The following OXSR1 variants were observed in gnomAD, a reference collection of about 807,000 sequenced individuals.
The protein encoded by OXSR1 is oxidative stress responsive kinase 1, also known as serine/threonine-protein kinase OSR1.
A neutral mutation model predicts 79.8 loss-of-function variants in OXSR1; 24 were observed. The ratio of observed to expected loss-of-function variants is 0.30; its 90% CI spans 0.22 to 0.42. The LOEUF (loss-of-function observed/expected upper bound fraction) is 0.42. OXSR1 is among the 10% of genes least tolerant of loss of function. The probability of loss-of-function intolerance (pLI) is 1.00; values close to 1 mark genes in which losing one functional copy is unlikely to be tolerated. For synonymous variants in OXSR1, 226 were observed against 209.2 expected, an observed-to-expected ratio of 1.08 and a Z score of -0.69; for missense variants, 430 against 618.4, an observed-to-expected ratio of 0.70 and a Z score of 3.23.
intron 17 of OXSR1, 54 bp from the exon 18 acceptor site, chr3:38,252,763 A>G (rs1032586896): frequency 7.1e-7 from 1 of 1,409,388 alleles, no homozygotes; most frequent in Non-Finnish European, 1.0e-6. Flanking sequence ...TTTATTTGCT[A>G]CCTGCAAGTT....
chr3:38,224,279 A>G lies in OXSR1; in HGVS notation c.703-292A>G, dbSNP rs34194095. 1.5e-3 allele frequency among the ~76,000 whole-genome samples: 221 copies of G among 152,306 alleles called. 1 individual carries two copies. Among genetic ancestry groups the G allele is most frequent in the African/African-American group, 5.2e-3 (217 of 41,558 alleles). ...GTGTTTATCTTTGCATGGCTAGCGT[A>G]ATGTCCCCAAGTTTCATCCATGTTG... is the stretch of plus-strand genomic sequence containing the variant. On this transcript the variant is annotated intron_variant, in intron 7 of 17. Transcript: ENST00000311806.
chr3:38,176,037 A>C lies in OXSR1; in HGVS notation c.71-6966A>C, dbSNP rs536476799. ...CTAAACCATTCCTTTTGTTCTTTAA[A>C]AAATTTTTTTTTTCTAAAACATCCT... On this transcript the variant is annotated intron_variant, in intron 1 of 17. Coordinates refer to ENST00000311806, the MANE Select transcript of OXSR1 (RefSeq NM_005109.3). Among the ~76,000 whole-genome samples, 108 of 152,212 alleles carry C rather than the reference A, an allele frequency of 7.1e-4. 1 individual carries two copies. Among genetic ancestry groups the C allele is most frequent in the Non-Finnish European group, 1.4e-3 (95 of 68,040 alleles).
chr3:38,224,860 T>C, intron 8 of OXSR1, 156 bp downstream of exon 8: 1 of 534,398 alleles, frequency 1.9e-6, no homozygotes, highest in Non-Finnish European at 3.2e-6. Flanking sequence ...TGGAAATGAA[T>C]TGATTTCTGC....
chr3:38,195,971 C>G (rs1211580945), intron 3 of OXSR1, among the ~76,000 whole-genome samples: 1 of 152,110 alleles, frequency 6.6e-6, no homozygotes, highest in Non-Finnish European at 1.5e-5. Context: ...TTTTAACGGA[C>G]AGCTTTCATC....
At chr3:38,230,331 T>C in intron 9 of OXSR1, 34 bp from the exon 10 acceptor site, 1 of 1,413,790 alleles carries the variant, frequency 7.1e-7, no homozygotes, top group Non-Finnish European at 9.9e-7. Flanking sequence ...CCTTAAAAAC[T>C]TGTAAGAACA....
At chr3:38,188,603 T>C (rs984392137) in intron 2 of OXSR1, among the ~76,000 whole-genome samples, 2 of 152,232 alleles carry the variant, frequency 1.3e-5, no homozygotes, top group African/African-American at 4.8e-5. Context: ...TATCCAAGGG[T>C]AATTTATGAA....
chr3:38,245,853 T>C (rs566731060), intron 12 of OXSR1, among the ~76,000 whole-genome samples: 1 of 152,292 alleles, frequency 6.6e-6, no homozygotes, highest in South Asian at 2.1e-4. Context: ...AGTGGGTAAA[T>C]GTAGAGAAAT....
chr3:38,166,665 C>T (rs988458957), intron 1 of OXSR1, among the ~76,000 whole-genome samples: 1 of 151,842 alleles, frequency 6.6e-6, no homozygotes, highest in African/African-American at 2.4e-5. Flanking sequence ...GTGGTGCGCG[C>T]CTGTAATCCC....
chr3:38,207,443 G>T (rs1270234382), intron 4 of OXSR1, among the ~76,000 whole-genome samples: 1 of 152,092 alleles, frequency 6.6e-6, no homozygotes, highest in Non-Finnish European at 1.5e-5. Flanking sequence ...ACATTTCAGC[G>T]GAAGGAAGGA....
In OXSR1 at chr3:38,244,670, T is replaced by TGTGTGTGTGTGTGTGTGC. The variant is rs1491372358; in HGVS notation, c.1111-1404_1111-1403insTGTGTGTGTGTGTGTGCG. Among the ~76,000 whole-genome samples, 91 of 149,720 alleles carry TGTGTGTGTGTGTGTGTGC rather than the reference T, an allele frequency of 6.1e-4. 2 individuals carry two copies. Among genetic ancestry groups the TGTGTGTGTGTGTGTGTGC allele is most frequent in the African/African-American group, 2.2e-3 (87 of 40,188 alleles). The stretch of plus-strand genomic sequence containing the variant: ...GTGTGTGTGTGTGTGTGTGTGTGCG[T>TGTGTGTGTGTGTGTGTGC]GCGCATGTACCACATTTTATTCATC... On this transcript the variant is annotated intron_variant, in intron 12 of 17. Transcript: ENST00000311806.
chr3:38,211,448 G>A (rs1312864858), intron 4 of OXSR1, among the ~76,000 whole-genome samples: 3 of 152,102 alleles, frequency 2.0e-5, no homozygotes, highest in Admixed American at 1.3e-4. Flanking sequence ...CCTATAAAGT[G>A]ACCTTTTTAC....
Position 38,246,230 on chromosome 3 carries a change from G to A in OXSR1, c.1257+9G>A, listed in dbSNP as rs573653966. The A allele has an allele frequency of 6.8e-6, 11 of 1,613,228 alleles. No individual in the cohort carries two copies. Among genetic ancestry groups the A allele is most frequent in the South Asian group, 4.4e-5 (4 of 91,040 alleles). ...CAGCAAAAACAGCTCAGGTAAAGCC[G>A]GGGATATGGTTTCATGGTCACTCCT... On this transcript the variant is annotated intron_variant, in intron 13 of 17. Transcript: ENST00000311806.
intron 3 of OXSR1, among the ~76,000 whole-genome samples, chr3:38,194,097 T>G (rs1007366217): frequency 3.3e-5 from 5 of 152,202 alleles, no homozygotes; most frequent in African/African-American, 9.6e-5. Flanking sequence ...AAATACTTAT[T>G]GATCTCCAGT....
intron 1 of OXSR1, among the ~76,000 whole-genome samples, chr3:38,166,994 C>T (rs1005242702): frequency 6.6e-6 from 1 of 152,026 alleles, no homozygotes; most frequent in Non-Finnish European, 1.5e-5. Flanking sequence ...TTTTTCCTTA[C>T]AGAGGGATAT....
chr3:38,249,609 G>A lies in OXSR1; in HGVS notation c.1323-357G>A, dbSNP rs909740500. On this transcript the variant is annotated intron_variant, in intron 14 of 17. Transcript: ENST00000311806. ...AGGAGTGGGGATAAGGATGAAAAAGGCATCCTGTATCATTTTAATCACACC... is the reference window on the plus strand; with the variant it reads ...AGGAGTGGGGATAAGGATGAAAAAGACATCCTGTATCATTTTAATCACACC... Among the ~76,000 whole-genome samples, 5 of 152,090 alleles carry A rather than the reference G, an allele frequency of 3.3e-5. No individual in the cohort carries two copies. In the East Asian group the frequency reaches 9.6e-4, roughly 29 times the overall value.
In OXSR1 at chr3:38,230,394, G is replaced by A. The variant is rs1702780380; in HGVS notation, c.915G>A (p.Leu305=). 1.9e-6 allele frequency: 3 copies of A among 1,602,386 alleles called. No individual in the cohort carries two copies. The highest frequency in any genetic ancestry group is 2.6e-6 in the Non-Finnish European group (3 of 1,170,904). ...AAGAATTTCTTCAAGAAAAAACATTGCAGAGAGCACCAACCATTTCTGAAA... is the reference window on the plus strand; with the variant it reads ...AAGAATTTCTTCAAGAAAAAACATTACAGAGAGCACCAACCATTTCTGAAA... ...KNKEFLQEKT[L]QRAPTISERA... Residue 305 remains leucine, a synonymous_variant, in exon 10 of 18, where the codon TTG becomes TTA. Coordinates refer to ENST00000311806, the MANE Select transcript of OXSR1 (RefSeq NM_005109.3).
chr3:38,168,885 T>C (rs1701520009), intron 1 of OXSR1, among the ~76,000 whole-genome samples: 1 of 152,230 alleles, frequency 6.6e-6, no homozygotes, highest in Non-Finnish European at 1.5e-5. Flanking sequence ...GGCATTGGAT[T>C]GTTTCTGCTT....
intron 1 of OXSR1, among the ~76,000 whole-genome samples, chr3:38,180,347 A>G (rs1027214646): frequency 3.9e-5 from 6 of 152,066 alleles, no homozygotes; most frequent in Non-Finnish European, 7.4e-5. Context: ...GACCCTGGTA[A>G]CCACTAATCT....
At chr3:38,186,067 G>A (rs974985998) in intron 2 of OXSR1, among the ~76,000 whole-genome samples, 1 of 151,758 alleles carries the variant, frequency 6.6e-6, no homozygotes, top group Non-Finnish European at 1.5e-5. Flanking sequence ...CACCAGGGCT[G>A]TGTAGACTTT....
Sources: allele counts gnomAD v4.1 joint callset (sites outside exome capture counted in the v4.1 genomes callset), GRCh38; gene constraint gnomAD v4.1.1; transcripts MANE v1.5; gene names NCBI Gene and HGNC (gene_info 2026-07-23, HGNC 2026-07-21).